SIAH3: variants seen among roughly 807,000 people sequenced by gnomAD.
SIAH3 encodes seven in absentia homolog 3.
In SIAH3, 9 loss-of-function variants were observed where a neutral mutation model predicts 12.6. That is an observed-to-expected ratio of 0.72 (90% CI 0.43 to 1.25). SIAH3 has a LOEUF of 1.25. Among genes scored for constraint, SIAH3 ranks in the 50% most tolerant of loss-of-function variants. The probability of loss-of-function intolerance (pLI) is 0.00; values close to 1 mark genes in which losing one functional copy is unlikely to be tolerated. For missense variants in SIAH3, 390 were observed against 365.4 expected (o/e 1.07, Z -0.55); for synonymous variants, 154 against 151.1 (o/e 1.02, Z -0.14).
Position 45,780,280 on chromosome 13 carries a change from T to A in SIAH3, c.*3103A>T, listed in dbSNP as rs2137544201. ...CAGGTGGACTAGTGCTTTTTTTTTT[T>A]TTCTAAAGAGATAGGGTCTCACTCT... On this transcript the variant is annotated 3_prime_UTR_variant, in exon 2 of 2. Transcript: ENST00000400405. The A allele has an allele frequency of 6.6e-6, 1 of 152,208 alleles. No homozygotes were observed. The highest frequency in any genetic ancestry group is 2.4e-5 in the African/African-American group (1 of 41,516). The allele number at this position is 152,208 out of a possible 1,614,324, so 9.4% of individuals were successfully genotyped here.
At chr13:45,843,957 T>C (rs1950749724) in intron 1 of SIAH3, among the ~76,000 whole-genome samples, 1 of 152,102 alleles carries the variant, frequency 6.6e-6, no homozygotes, top group Admixed American at 6.5e-5. Flanking sequence ...ACCCTGAAAA[T>C]CTCATTCCCA....
intron 1 of SIAH3, among the ~76,000 whole-genome samples, chr13:45,788,565 G>A (rs1454535829): frequency 6.6e-6 from 1 of 152,176 alleles, no homozygotes; most frequent in African/African-American, 2.4e-5. Flanking sequence ...CATTAGTGAG[G>A]CCATTTCCGC....
chr13:45,845,651 G>T (rs1264175611), intron 1 of SIAH3, among the ~76,000 whole-genome samples: 3 of 152,108 alleles, frequency 2.0e-5, no homozygotes, highest in Non-Finnish European at 4.4e-5. Context: ...TAAGTGGCCT[G>T]TAAAACACTC....
chr13:45,796,288 T>C (rs1950562396), intron 1 of SIAH3, among the ~76,000 whole-genome samples: 1 of 152,188 alleles, frequency 6.6e-6, no homozygotes, highest in Non-Finnish European at 1.5e-5. Context: ...AGAACGGATG[T>C]ATGTGGCCAT....
intron 1 of SIAH3, among the ~76,000 whole-genome samples, chr13:45,784,301 T>C (rs1950518320): frequency 6.6e-6 from 1 of 151,964 alleles, no homozygotes; most frequent in Admixed American, 6.5e-5. Flanking sequence ...ATTTGTGCCT[T>C]TGTGGTTCTT....
At chr13:45,806,248 C>G (rs1370860336) in intron 1 of SIAH3, among the ~76,000 whole-genome samples, 3 of 152,016 alleles carry the variant, frequency 2.0e-5, no homozygotes, top group Non-Finnish European at 4.4e-5. Context: ...ATTGTTCTAC[C>G]AAAAAGATAA....
At chr13:45,820,610 A>G (rs1454551979) in intron 1 of SIAH3, among the ~76,000 whole-genome samples, 2 of 152,182 alleles carry the variant, frequency 1.3e-5, no homozygotes, top group African/African-American at 4.8e-5. Flanking sequence ...TCGGAGGACT[A>G]TTGAACAGCA....
intron 1 of SIAH3, among the ~76,000 whole-genome samples, chr13:45,838,225 C>T (rs2137581172): frequency 1.3e-5 from 2 of 152,316 alleles, no homozygotes; most frequent in South Asian, 4.1e-4. Context: ...CAAATGAAAG[C>T]TTAGCCTCTT....
chr13:45,815,897 C>T (rs1026227941), intron 1 of SIAH3, among the ~76,000 whole-genome samples: 3 of 152,218 alleles, frequency 2.0e-5, no homozygotes, highest in African/African-American at 7.2e-5. Flanking sequence ...CAGGGCATCC[C>T]CACAACAAAA....
chr13:45,805,976 A>G (rs145854500), intron 1 of SIAH3, among the ~76,000 whole-genome samples: 1 of 152,194 alleles, frequency 6.6e-6, no homozygotes, highest in Non-Finnish European at 1.5e-5. Context: ...AATAATCCTC[A>G]ACATCATTAA....
intron 1 of SIAH3, among the ~76,000 whole-genome samples, chr13:45,800,659 C>A (rs1950578600): frequency 1.3e-5 from 2 of 152,186 alleles, no homozygotes; most frequent in African/African-American, 4.8e-5. Context: ...TCCTTTTCTG[C>A]CTCTGGTTTT....
rs182327721 is a variant in SIAH3 at position 45,830,148 on chromosome 13, G to A, written c.135+21347C>T. ...CGGACTCCTTGGAGTTCTAGAATAC[G>A]TCCCTTGGAAACAGTCAGCTGTAGC... On this transcript the variant is annotated intron_variant, in intron 1 of 1. Coordinates refer to ENST00000400405, the MANE Select transcript of SIAH3 (RefSeq NM_198849.3). Among the ~76,000 whole-genome samples, 45 of 152,282 alleles carry A rather than the reference G, an allele frequency of 3.0e-4. No individual in the cohort carries two copies. In the South Asian group the frequency reaches 3.1e-3, roughly 11 times the overall value.
chr13:45,851,482 CACA>C lies in SIAH3; in HGVS notation c.135+10_135+12del, dbSNP rs1950781697. 1.9e-6 allele frequency: 3 copies of C among 1,613,726 alleles called. No homozygotes were observed. The highest frequency in any genetic ancestry group is 2.5e-6 in the Non-Finnish European group (3 of 1,179,910). ...CCTGAGCCCGGTGAAGGTAAAATGA[CACA>C]GAGACTCACCTTTAGGTTGTGTGTG... is the stretch of plus-strand genomic sequence containing the variant. On this transcript the variant is annotated intron_variant, in intron 1 of 1. Transcript: ENST00000400405.
chr13:45,805,481 G>T (rs1950595791), intron 1 of SIAH3, among the ~76,000 whole-genome samples: 1 of 152,100 alleles, frequency 6.6e-6, no homozygotes, highest in African/African-American at 2.4e-5. Flanking sequence ...ATGGGAAAAG[G>T]ACTCCCTATT....
intron 1 of SIAH3, among the ~76,000 whole-genome samples, chr13:45,817,696 C>A (rs1160947096): frequency 1.3e-5 from 2 of 152,132 alleles, no homozygotes; most frequent in African/African-American, 2.4e-5. Context: ...GCAAGGGATG[C>A]CAACAGCCAC....
At chr13:45,820,719 G>A (rs1438376491) in intron 1 of SIAH3, among the ~76,000 whole-genome samples, 1 of 152,140 alleles carries the variant, frequency 6.6e-6, no homozygotes, top group Non-Finnish European at 1.5e-5. Flanking sequence ...GGCTGCTTCT[G>A]CAGTTTCTGG....
chr13:45,848,229 T>G (rs554664589), intron 1 of SIAH3, among the ~76,000 whole-genome samples: 1 of 152,218 alleles, frequency 6.6e-6, no homozygotes, highest in East Asian at 1.9e-4. Flanking sequence ...TCACTTTTCA[T>G]GGGGTGGAAA....
At chr13:45,803,430 C>T (rs1950589070) in intron 1 of SIAH3, among the ~76,000 whole-genome samples, 2 of 152,026 alleles carry the variant, frequency 1.3e-5, no homozygotes, top group South Asian at 4.1e-4. Flanking sequence ...GTGATAAATG[C>T]TATGATAGAA....
chr13:45,844,841 T>C (rs1950753131), intron 1 of SIAH3, among the ~76,000 whole-genome samples: 1 of 152,228 alleles, frequency 6.6e-6, no homozygotes, highest in Admixed American at 6.5e-5. Context: ...AGATAAAAGT[T>C]TAAAAGCTAA....
Sources: gnomAD v4.1 joint callset for allele counts (sites outside exome capture counted in the v4.1 genomes callset) on GRCh38, gnomAD v4.1.1 for gene constraint, MANE v1.5 for transcripts, NCBI Gene and HGNC (gene_info 2026-07-23, HGNC 2026-07-21) for gene names.